CARS2: variants seen among roughly 807,000 people sequenced by gnomAD.
CARS2 encodes the protein probable cysteine--tRNA ligase, mitochondrial.
CARS2 carries 52 observed loss-of-function variants against 68.8 expected under a neutral mutation model. That is an observed-to-expected ratio of 0.76 (90% CI 0.61 to 0.95). The LOEUF (loss-of-function observed/expected upper bound fraction) is 0.95. CARS2 is among the 40% of genes least tolerant of loss of function. The pLI is 0.00. For missense variants in CARS2, 780 were observed against 754.2 expected, an observed-to-expected ratio of 1.03 and a Z score of -0.40; for synonymous variants, 314 against 303.6, an observed-to-expected ratio of 1.03 and a Z score of -0.36.
chr13:110,708,243 G>T (rs1280206579), upstream of CARS2, among the ~76,000 whole-genome samples: 1 of 152,158 alleles, frequency 6.6e-6, no homozygotes, highest in African/African-American at 2.4e-5. Context: ...CTTACGAAAG[G>T]GATTAATTGT....
chr13:110,663,839 T>C (rs977912726), intron 8 of CARS2: 77 of 1,109,566 alleles, frequency 6.9e-5, no homozygotes, highest in Non-Finnish European at 8.0e-5. Context: ...TCTCCTCTCC[T>C]GTAATTCAGA....
At position 110,645,991 on chromosome 13, in the gene CARS2, A is replaced by G; in HGVS notation, c.1293T>C (p.Asn431=). 6.2e-7 allele frequency: 1 copy of G among 1,613,792 alleles called. No homozygotes were observed. Among genetic ancestry groups the G allele is most frequent in the Non-Finnish European group, 8.5e-7 (1 of 1,179,894 alleles). ...DAILGLAHHG[N]GQLRASLKEP... is the part of the protein sequence containing the mutation. ...CCTTCAGGGACGCCCTGAGCTGTCC[A>G]TTCCCGTGGTGTGCAAGGCCCAGGA... Residue 431 remains asparagine, a synonymous_variant, in exon 12 of 15, where the codon AAT becomes AAC. Coordinates refer to ENST00000257347, the MANE Select transcript of CARS2 (RefSeq NM_024537.4).
rs116863041 is a variant in CARS2, at chr13:110,695,003, C to T, written c.393+6435G>A. The stretch of plus-strand genomic sequence containing the variant: ...ATATAGAAAATATTAAGAAATAATG[C>T]CAGGCACAGTGACTCATGCCTGTAA... On this transcript the variant is annotated intron_variant, in intron 3 of 14. Transcript: ENST00000257347. Among the ~76,000 whole-genome samples the T allele has an allele frequency of 6.2e-3, 945 of 152,196 alleles. 5 individuals are homozygous for T. Among genetic ancestry groups the T allele is most frequent in the Non-Finnish European group, 0.011 (742 of 68,012 alleles).
At chr13:110,713,048 C>G (rs1266703444) in intron 1 of CARS2, 2 of 1,467,260 alleles carry the variant, frequency 1.4e-6, no homozygotes, top group East Asian at 2.5e-5. Context: ...CATGCGCCGC[C>G]ACTTCCGCCC....
upstream of CARS2, among the ~76,000 whole-genome samples, chr13:110,711,206 T>C (rs573932604): frequency 2.6e-4 from 39 of 150,028 alleles, no homozygotes; most frequent in Middle Eastern, 3.4e-3. Context: ...TAATGTTATC[T>C]TGTCGTAGTC....
At position 110,653,622 on chromosome 13, in the gene CARS2, AT is replaced by A. The variant is rs1333284986; in HGVS notation, c.988-2523del. On this transcript the variant is annotated intron_variant, in intron 9 of 14. Coordinates refer to ENST00000257347, the MANE Select transcript of CARS2 (RefSeq NM_024537.4). This position sits in a 1 kb window ranked among gnomAD's most constrained non-coding sequence, Gnocchi z 5.6. ...AATTAGCCTCAATGTGTTTTCACGCATCTCATAGTTCTCTGAAACCCCAACA... is the reference window on the plus strand; with the variant it reads ...AATTAGCCTCAATGTGTTTTCACGCACTCATAGTTCTCTGAAACCCCAACA... Among the ~76,000 whole-genome samples the A allele has an allele frequency of 6.6e-6, 1 of 152,228 alleles. No homozygotes were observed. The highest frequency in any genetic ancestry group is 1.9e-4 in the East Asian group (1 of 5,190).
At chr13:110,702,869 A>G (rs150865177) in intron 2 of CARS2, among the ~76,000 whole-genome samples, 1 of 152,354 alleles carries the variant, frequency 6.6e-6, no homozygotes, top group Non-Finnish European at 1.5e-5. Context: ...TGCTACCGTC[A>G]GCCCGGCTCT....
intron 3 of CARS2, among the ~76,000 whole-genome samples, chr13:110,693,901 C>T (rs2063547948): frequency 6.6e-6 from 1 of 152,050 alleles, no homozygotes; most frequent in East Asian, 1.9e-4. Flanking sequence ...TGTGTCCAGC[C>T]CTTCCTCAAC....
chr13:110,663,206 G>A (rs1348464772), intron 9 of CARS2, among the ~76,000 whole-genome samples: 1 of 152,114 alleles, frequency 6.6e-6, no homozygotes, highest in East Asian at 1.9e-4. Context: ...CTTGAAACAC[G>A]GAAAGAGAAA....
chr13:110,697,858 C>A, intron 3 of CARS2: 4 of 432,046 alleles, frequency 9.3e-6, no homozygotes, highest in South Asian at 5.0e-5. Context: ...CAGCCCCATG[C>A]GGTGGGAGAC....
chr13:110,675,495 A>G (rs9521894), intron 7 of CARS2, among the ~76,000 whole-genome samples: 122,945 of 151,970 alleles, frequency 0.81, 50,017 homozygotes, highest in Middle Eastern at 0.85. Flanking sequence ...ACTCATAGGT[A>G]GGAATTGAAC....
upstream of CARS2, chr13:110,706,297 G>A: frequency 3.0e-6 from 1 of 335,128 alleles, no homozygotes; most frequent in Non-Finnish European, 5.2e-6. Flanking sequence ...GCCCGAAGAG[G>A]TTGGGGCGGG....
Position 110,683,126 on chromosome 13 carries a change from A to G in CARS2, c.580T>C (p.Tyr194His). Residue 194 changes from tyrosine to histidine, a missense_variant, in exon 6 of 15, where the codon TAC (tyrosine) becomes CAC (histidine). Physicochemically the swap from Tyr to His is moderately conservative, Grantham distance 83. Coordinates refer to ENST00000257347, the MANE Select transcript of CARS2 (RefSeq NM_024537.4). ...TCTCCTCTAGACTTCAGATCGAAGT[A>G]GACATTGCCTGTTTATAAAGACAAT... ...NAYSTAKGNV[Y>H]FDLKSRGDKY... 6.3e-7 allele frequency: 1 copy of G among 1,589,834 alleles called. No homozygotes were observed. The highest frequency in any genetic ancestry group is 1.8e-5 in the Admixed American group (1 of 55,472).
intron 7 of CARS2, among the ~76,000 whole-genome samples, chr13:110,675,815 C>G (rs1484583426): frequency 1.3e-5 from 2 of 152,232 alleles, no homozygotes; most frequent in Non-Finnish European, 2.9e-5. Flanking sequence ...GCTGGGTACC[C>G]TGCTGCCTGC....
chr13:110,699,468 G>T (rs755929396), intron 3 of CARS2, among the ~76,000 whole-genome samples: 12 of 152,202 alleles, frequency 7.9e-5, no homozygotes, highest in Non-Finnish European at 1.6e-4. Context: ...AAAAGCAGTG[G>T]TAACTGGCAA....
Position 110,665,178 on chromosome 13 carries a change from G to C in CARS2, c.920-1660C>G. The C allele has an allele frequency of 1.0e-6, 1 of 984,950 alleles. No individual in the cohort carries two copies. The allele number at this position is 984,950 out of a possible 1,614,324, so 61.0% of individuals were successfully genotyped here. ...ACAAAACTTTCCCACCACGTGCAGT[G>C]GCTCACGCCTATAATCCCAGCACTT... On this transcript the variant is annotated intron_variant, in intron 8 of 14. Transcript: ENST00000257347. The surrounding 1 kb of genome is among the most constrained non-coding windows in gnomAD (Gnocchi z 4.3).
chr13:110,705,422 A>T lies in CARS2; in HGVS notation c.275+99T>A. 1 of 783,152 alleles carries T rather than the reference A, an allele frequency of 1.3e-6. No homozygotes were observed. Among genetic ancestry groups the T allele is most frequent in the Non-Finnish European group, 2.1e-6 (1 of 476,944 alleles). The allele number at this position is 783,152 out of a possible 1,614,324, so 48.5% of individuals were successfully genotyped here. On this transcript the variant is annotated intron_variant, in intron 2 of 14. Coordinates refer to ENST00000257347, the MANE Select transcript of CARS2 (RefSeq NM_024537.4). The surrounding 1 kb of genome is among the most constrained non-coding windows in gnomAD (Gnocchi z 4.0). ...GCCTGGAATGTAGGAATTATTCTGC[A>T]TCCCTAAGTTGCCACTTAAGAGATA...
intron 3 of CARS2, among the ~76,000 whole-genome samples, chr13:110,699,853 G>A (rs75400541): frequency 7.2e-5 from 11 of 152,352 alleles, no homozygotes; most frequent in Non-Finnish European, 1.3e-4. Flanking sequence ...GGGAGAGCCC[G>A]AGGAGGCGCC....
At chr13:110,646,256 A>C in intron 11 of CARS2, 166 bp from the exon 12 acceptor site, 1 of 682,196 alleles carries the variant, frequency 1.5e-6, no homozygotes, top group Non-Finnish European at 2.3e-6. Flanking sequence ...AAAATTATGT[A>C]ACATCAACTG....
Sources: allele counts gnomAD v4.1 joint callset (sites outside exome capture counted in the v4.1 genomes callset), GRCh38; gene constraint gnomAD v4.1.1; non-coding constraint Gnocchi (gnomAD v3.1); transcripts MANE v1.5; gene names NCBI Gene and HGNC (gene_info 2026-07-23, HGNC 2026-07-21).